Variants in VIPR1 observed in about 807,000 individuals in gnomAD.
VIPR1 encodes vasoactive intestinal peptide receptor 1.
In VIPR1, 59 loss-of-function variants were observed where a neutral mutation model predicts 58.8. The ratio of observed to expected loss-of-function variants is 1.00; its 90% CI spans 0.81 to 1.25. The LOEUF is 1.25. VIPR1 is among the 50% of genes most tolerant of loss of function. The pLI is 0.00. For missense variants in VIPR1, 626 were observed against 602.7 expected (o/e 1.04, Z -0.40); for synonymous variants, 251 against 242.1 (o/e 1.04, Z -0.34).
At chr3:42,519,535 A>G (rs892695894) in intron 3 of VIPR1, 1 of 467,394 alleles carries the variant, frequency 2.1e-6, no homozygotes, top group Admixed American at 4.3e-5. Context: ...AGCATGTGGG[A>G]AAGGCTCACT....
chr3:42,523,840 C>T (rs377536152), intron 3 of VIPR1, among the ~76,000 whole-genome samples: 5 of 151,788 alleles, frequency 3.3e-5, no homozygotes, highest in African/African-American at 7.3e-5. Flanking sequence ...TTCCCTGAGT[C>T]GGAGTTTTAC....
intron 12 of VIPR1, 25 bp downstream of exon 12, chr3:42,535,409 C>T: frequency 6.2e-7 from 1 of 1,612,520 alleles, no homozygotes; most frequent in Non-Finnish European, 8.5e-7. Context: ...GTCCTTGGGG[C>T]TTAGGCAATG....
Position 42,532,249 on chromosome 3 carries a change from T to G in VIPR1, c.926T>G (p.Phe309Cys). The part of the protein sequence containing the change: ...GPILTSILVN[F>C]ILFICIIRIL... ...CGGGTCCCCACCCACTAGGTAAACT[T>G]CATCCTGTTTATTTGCATCATCCGA... The change falls in exon 10 of 13, where the codon TTC becomes TGC. Residue 309 changes from phenylalanine to cysteine, a missense_variant. By Grantham distance (205) the Phe-to-Cys change is radical (BLOSUM62 -2). Coordinates refer to ENST00000325123, the MANE Select transcript of VIPR1 (RefSeq NM_004624.4). 1.2e-6 allele frequency: 2 copies of G among 1,614,100 alleles called. No homozygotes were observed. Among genetic ancestry groups the G allele is most frequent in the Non-Finnish European group, 1.7e-6 (2 of 1,180,016 alleles).
intron 1 of VIPR1, chr3:42,512,788 A>G (rs1206571949): frequency 3.8e-5 from 37 of 985,382 alleles, no homozygotes; most frequent in Non-Finnish European, 3.9e-5. Flanking sequence ...TGCCGGGGCC[A>G]GCAACCACTT....
intron 7 of VIPR1, 161 bp downstream of exon 7, chr3:42,531,093 T>C (rs1701519430): frequency 2.1e-6 from 2 of 942,906 alleles, no homozygotes; most frequent in Non-Finnish European, 3.1e-6. Context: ...GTCCTCAAAA[T>C]GTCTGATCCC....
intron 5 of VIPR1, 128 bp from the exon 6 acceptor site, chr3:42,527,863 G>A (rs1701316572): frequency 7.5e-7 from 1 of 1,340,072 alleles, no homozygotes; most frequent in African/African-American, 1.5e-5. Flanking sequence ...GATCCCCTTT[G>A]AGGCGGGGCC....
intron 1 of VIPR1, among the ~76,000 whole-genome samples, chr3:42,492,916 A>G (rs1341819612): frequency 6.6e-5 from 10 of 152,240 alleles, no homozygotes; most frequent in Non-Finnish European, 1.5e-4. Flanking sequence ...TGCCAGGACC[A>G]TGCAGGCTGG....
chr3:42,512,646 G>T, intron 1 of VIPR1: 11 of 770,654 alleles, frequency 1.4e-5, no homozygotes, highest in Non-Finnish European at 1.6e-5. Flanking sequence ...CCTGTCCCAG[G>T]GTGGGAGGGA....
chr3:42,535,611 A>G (rs1169344229), intron 12 of VIPR1, among the ~76,000 whole-genome samples: 1 of 152,174 alleles, frequency 6.6e-6, no homozygotes, highest in Non-Finnish European at 1.5e-5. Context: ...AATTATTTTA[A>G]AAAACAAACA....
chr3:42,498,860 A>G (rs1699815882), upstream of VIPR1, among the ~76,000 whole-genome samples: 1 of 152,164 alleles, frequency 6.6e-6, no homozygotes, highest in Admixed American at 6.5e-5. Flanking sequence ...GCATGCTGTT[A>G]TGGAAGGGAG....
chr3:42,507,893 A>C (rs1305049406), intron 1 of VIPR1: 1 of 137,602 alleles, frequency 7.3e-6, no homozygotes, highest in Non-Finnish European at 1.5e-5. Context: ...CAACACTCAC[A>C]CAGCAGTTCT....
chr3:42,500,741 G>A (rs994976617), upstream of VIPR1, among the ~76,000 whole-genome samples: 4 of 152,268 alleles, frequency 2.6e-5, no homozygotes, highest in Admixed American at 6.5e-5. Context: ...AACAGCAGCC[G>A]TCAGGGGTGT....
intron 1 of VIPR1, among the ~76,000 whole-genome samples, chr3:42,493,457 G>A (rs1458547880): frequency 6.6e-6 from 1 of 152,238 alleles, no homozygotes; most frequent in Admixed American, 6.5e-5. Flanking sequence ...GAGCATGGCT[G>A]CTTGCCTGTG....
chr3:42,532,140 G>A, intron 9 of VIPR1, 102 bp from the exon 10 acceptor site: 1 of 1,214,808 alleles, frequency 8.2e-7, no homozygotes, highest in Non-Finnish European at 1.2e-6. Flanking sequence ...ATAGAGAGAG[G>A]GGCAGCAGGA....
intron 2 of VIPR1, among the ~76,000 whole-genome samples, chr3:42,515,282 C>A (rs1372608613): frequency 3.9e-5 from 6 of 152,222 alleles, no homozygotes; most frequent in African/African-American, 1.4e-4. Flanking sequence ...TGTGTAGCCT[C>A]ACAGATGGGC....
At chr3:42,531,224 G>T in intron 7 of VIPR1, 1 of 611,778 alleles carries the variant, frequency 1.6e-6, no homozygotes, top group Non-Finnish European at 2.9e-6. Context: ...TCTATAAAGG[G>T]CCTCTGTCAC....
intron 4 of VIPR1, 41 bp from the exon 5 acceptor site, chr3:42,527,352 C>T: frequency 6.3e-7 from 1 of 1,593,144 alleles, no homozygotes; most frequent in Non-Finnish European, 8.6e-7. Flanking sequence ...GATGAGCCTC[C>T]CACCCCACCA....
rs1699927442 is a variant in VIPR1 at position 42,502,793 on chromosome 3, G to C, written c.58G>C (p.Ala20Pro). 1.6e-6 allele frequency: 2 copies of C among 1,274,036 alleles called. No homozygotes were observed. Among genetic ancestry groups the C allele is most frequent in the Admixed American group, 8.3e-5 (2 of 23,966 alleles). 78.9% of individuals were successfully genotyped at this position (1,274,036 alleles called of 1,614,324 possible). A position where few individuals can be genotyped will look rare whatever the true frequency, so the allele number is the denominator to read the frequency against. ...GCTATGCGTGCTGGCAGGCGCCCTC[G>C]CCTGGGCCCTTGGGCCGGCGGTGAG... ...RWLCVLAGAL[A>P]WALGPAGGQA... is the part of the protein sequence containing the mutation. Residue 20 changes from alanine to proline, a missense_variant, in exon 1 of 13, where the codon GCC (alanine) becomes CCC (proline). Ala to Pro is a conservative substitution (Grantham distance 27). Coordinates refer to ENST00000325123, the MANE Select transcript of VIPR1 (RefSeq NM_004624.4).
intron 1 of VIPR1, 189 bp from the exon 2 acceptor site, chr3:42,513,560 C>T (rs1303836142): frequency 1.7e-6 from 1 of 575,670 alleles, no homozygotes; most frequent in Non-Finnish European, 3.0e-6. Context: ...TCCTCGGGGC[C>T]GACCCAGGTT....
Sources: allele counts gnomAD v4.1 joint callset (sites outside exome capture counted in the v4.1 genomes callset), GRCh38; gene constraint gnomAD v4.1.1; transcripts MANE v1.5; gene names NCBI Gene and HGNC (gene_info 2026-07-23, HGNC 2026-07-21).